Variants in TTC3 observed in about 807,000 individuals in gnomAD.
TTC3 encodes tetratricopeptide repeat domain 3.
A neutral mutation model predicts 249.6 loss-of-function variants in TTC3; 180 were observed. That is an observed-to-expected ratio of 0.72 (90% CI 0.64 to 0.82). TTC3 has a LOEUF of 0.82. TTC3 is among the 40% of genes least tolerant of loss of function. The probability of loss-of-function intolerance (pLI) is 0.00; values close to 1 mark genes in which losing one functional copy is unlikely to be tolerated. For synonymous variants in TTC3, 717 were observed against 805.0 expected, an observed-to-expected ratio of 0.89 and a Z score of 1.85; for missense variants, 2,061 against 2,398.4, an observed-to-expected ratio of 0.86 and a Z score of 2.94.
chr21:37,191,661 C>T (rs569690215), intron 40 of TTC3, among the ~76,000 whole-genome samples: 20 of 152,288 alleles, frequency 1.3e-4, no homozygotes, highest in Admixed American at 4.6e-4. Context: ...TCACTGCAAC[C>T]TCCGCCTCCC....
At chr21:37,102,042 TTACTTA>T (rs2074564130) in intron 10 of TTC3, among the ~76,000 whole-genome samples, 1 of 46,300 alleles carries the variant, frequency 2.2e-5, no homozygotes, top group Non-Finnish European at 6.3e-5. Flanking sequence ...GATTATCTTT[TTACTTA>T]TGTTTTACAC....
At chr21:37,104,339 C>G (rs1472821861) in intron 10 of TTC3, among the ~76,000 whole-genome samples, 1 of 152,082 alleles carries the variant, frequency 6.6e-6, no homozygotes, top group Non-Finnish European at 1.5e-5. Context: ...CCTGTAATCC[C>G]AGCACTTTGG....
At chr21:37,109,969 A>G (rs1313024765) in intron 11 of TTC3, among the ~76,000 whole-genome samples, 2 of 152,260 alleles carry the variant, frequency 1.3e-5, no homozygotes, top group Non-Finnish European at 2.9e-5. Context: ...GTGGACCTCC[A>G]GTAAACTCCA....
At chr21:37,076,934 C>T (rs780885413) in intron 1 of TTC3, among the ~76,000 whole-genome samples, 1 of 151,932 alleles carries the variant, frequency 6.6e-6, no homozygotes, top group Admixed American at 6.6e-5. Context: ...CTCCTGACCT[C>T]AGGTGATCTG....
At chr21:37,189,276 C>T (rs995656962) in intron 39 of TTC3, among the ~76,000 whole-genome samples, 4 of 152,124 alleles carry the variant, frequency 2.6e-5, no homozygotes, top group Admixed American at 1.3e-4. Context: ...GACAGAGTCT[C>T]GCTCTGCCAC....
At chr21:37,107,585 A>G (rs9974374) in intron 10 of TTC3, among the ~76,000 whole-genome samples, 67,243 of 152,018 alleles carry the variant, frequency 0.44, 15,385 homozygotes, top group Non-Finnish European at 0.51. Flanking sequence ...TACATTTTAC[A>G]GATGAGAAAA....
chr21:37,137,529 C>T (rs558594302), intron 18 of TTC3, among the ~76,000 whole-genome samples: 1 of 152,234 alleles, frequency 6.6e-6, no homozygotes, highest in African/African-American at 2.4e-5. Flanking sequence ...TGAATTGCTG[C>T]AACCTCAGGA....
At chr21:37,073,312 G>T (rs1376587612) in exon 1 of TTC3, 2 of 483,290 alleles carry the variant, frequency 4.1e-6, no homozygotes, top group Non-Finnish European at 5.3e-6. Context: ...CGGCGGCGGC[G>T]GCGGCTGCTG....
At chr21:37,186,317 C>T (rs1317307708) in intron 37 of TTC3, among the ~76,000 whole-genome samples, 3 of 152,168 alleles carry the variant, frequency 2.0e-5, no homozygotes, top group East Asian at 3.8e-4. Flanking sequence ...ATTCCCATCC[C>T]GGTTTTTGAA....
chr21:37,161,986 C>A lies in TTC3; in HGVS notation c.3097-4C>A. The A allele has an allele frequency of 1.9e-6, 3 of 1,550,798 alleles. No individual in the cohort carries two copies. The highest frequency in any genetic ancestry group is 1.3e-5 in the South Asian group (1 of 78,910). On this transcript the variant is annotated splice_region_variant and splice_polypyrimidine_tract_variant and intron_variant, in intron 30 of 45. Coordinates refer to ENST00000355666, the Ensembl canonical transcript of TTC3. ...CATTGTCATTTTTCTGTCTTTTAAA[C>A]CAGCCTATGTTAGTTGGGTCTGGAA...
At chr21:37,196,681 G>C (rs945306065) in intron 42 of TTC3, among the ~76,000 whole-genome samples, 2 of 152,060 alleles carry the variant, frequency 1.3e-5, no homozygotes, top group African/African-American at 4.8e-5. Flanking sequence ...ATAAATGAAC[G>C]CAAAACAATA....
chr21:37,154,177 G>A (rs1050281006), intron 27 of TTC3, among the ~76,000 whole-genome samples: 6 of 152,148 alleles, frequency 3.9e-5, no homozygotes, highest in Admixed American at 6.5e-5. Context: ...TCATTCAGTC[G>A]GCAGCTATTA....
chr21:37,124,631 T>C, exon 14 of TTC3: 1 of 1,611,924 alleles, frequency 6.2e-7, no homozygotes, highest in Non-Finnish European at 8.5e-7. Flanking sequence ...CCTACACACC[T>C]AGGAGTTTAT....
Position 37,122,072 on chromosome 21 carries a change from A to G in TTC3, c.1063+93A>G, listed in dbSNP as rs908104361. The G allele has an allele frequency of 1.8e-5, 21 of 1,167,372 alleles. No homozygotes were observed. The South Asian group carries it at 3.1e-4, about 17-fold the overall frequency. The allele number at this position is 1,167,372 out of a possible 1,614,324, so 72.3% of individuals were successfully genotyped here. A position where few individuals can be genotyped will look rare whatever the true frequency, so the allele number is the denominator to read the frequency against. On this transcript the variant is annotated intron_variant, in intron 12 of 45. Coordinates refer to ENST00000355666, the Ensembl canonical transcript of TTC3. ...TGGATTAACAGAGGACCACAAATCA[A>G]TCCTCAGATGATTTATCCTTATTTT... is the stretch of plus-strand genomic sequence containing the variant.
At position 37,154,837 on chromosome 21, in the gene TTC3, A is replaced by G. The variant is rs550171431; in HGVS notation, c.2740+1560A>G. Among the ~76,000 whole-genome samples the G allele has an allele frequency of 5.3e-5, 8 of 152,216 alleles. No homozygotes were observed. In the East Asian group the frequency reaches 1.5e-3, roughly 29 times the overall value. ...CAGCCTCCCGAGCAGCTGGTACTAC[A>G]GGTGCCTGCCACCACGCCTGGCTAA... is the stretch of plus-strand genomic sequence containing the variant. On this transcript the variant is annotated intron_variant, in intron 27 of 45. Coordinates refer to ENST00000355666, the Ensembl canonical transcript of TTC3.
At chr21:37,103,181 T>C (rs901852852) in intron 10 of TTC3, among the ~76,000 whole-genome samples, 1 of 152,194 alleles carries the variant, frequency 6.6e-6, no homozygotes, top group Non-Finnish European at 1.5e-5. Context: ...AGGGAATAAC[T>C]GTTCTTTACA....
At chr21:37,124,533 G>GA in intron 13 of TTC3, 86 bp from the exon 14 acceptor site, 1 of 1,444,808 alleles carries the variant, frequency 6.9e-7, no homozygotes. Flanking sequence ...TGCTTTCAAG[G>GA]AAAAAAGGCT....
chr21:37,112,222 C>CA (rs1340765138), intron 11 of TTC3, among the ~76,000 whole-genome samples: 16 of 152,094 alleles, frequency 1.1e-4, no homozygotes, highest in Non-Finnish European at 2.2e-4. Context: ...AATAGAGACA[C>CA]AAAAAACCCT....
chr21:37,164,147 C>T (rs1053829), exon 32 of TTC3: 18 of 1,613,354 alleles, frequency 1.1e-5, no homozygotes, highest in Admixed American at 3.3e-5. Context: ...AACACAGTAA[C>T]GAATATGTTG....
Sources: gnomAD v4.1 joint callset for allele counts (sites outside exome capture counted in the v4.1 genomes callset) on GRCh38, gnomAD v4.1.1 for gene constraint, MANE v1.5 for transcripts, NCBI Gene and HGNC (gene_info 2026-07-23, HGNC 2026-07-21) for gene names.